Variants in ANTXR1 observed in about 807,000 individuals in gnomAD.
The protein encoded by ANTXR1 is anthrax toxin receptor 1.
ANTXR1 carries 19 observed loss-of-function variants against 78.1 expected under a neutral mutation model. The ratio of observed to expected loss-of-function variants is 0.24; its 90% CI spans 0.17 to 0.36. ANTXR1 has a LOEUF of 0.36. Among genes scored for constraint, ANTXR1 ranks in the 10% least tolerant of loss-of-function variants. ANTXR1 has a pLI of 1.00. For synonymous variants in ANTXR1, 273 were observed against 260.5 expected, an observed-to-expected ratio of 1.05 and a Z score of -0.46; for missense variants, 518 against 718.6, an observed-to-expected ratio of 0.72 and a Z score of 3.19.
intron 1 of ANTXR1, among the ~76,000 whole-genome samples, chr2:69,037,343 A>G (rs898235743): frequency 6.6e-6 from 1 of 152,196 alleles, no homozygotes; most frequent in Non-Finnish European, 1.5e-5. Flanking sequence ...GCCACCCAGT[A>G]TCAGGGGATG....
chr2:69,129,413 A>G (rs1481429555), intron 12 of ANTXR1, among the ~76,000 whole-genome samples: 2 of 152,168 alleles, frequency 1.3e-5, no homozygotes, highest in African/African-American at 4.8e-5. Flanking sequence ...ACTGTCCTTA[A>G]GGAGCCTAAA....
At chr2:69,151,181 A>ATTT (rs1673382576) in intron 12 of ANTXR1, among the ~76,000 whole-genome samples, 5 of 77,960 alleles carry the variant, frequency 6.4e-5, no homozygotes, top group East Asian at 4.5e-4. Context: ...ATATCTGATT[A>ATTT]TTTTCTTTTT....
intron 13 of ANTXR1, among the ~76,000 whole-genome samples, chr2:69,153,720 C>T (rs1410347457): frequency 2.6e-5 from 4 of 152,340 alleles, no homozygotes; most frequent in South Asian, 4.1e-4. Flanking sequence ...AAAAACCTTA[C>T]AGTGGGTTCT....
intron 14 of ANTXR1, among the ~76,000 whole-genome samples, chr2:69,173,755 A>G (rs770121847): frequency 1.2e-4 from 19 of 152,208 alleles, no homozygotes; most frequent in Non-Finnish European, 2.1e-4. Flanking sequence ...AGGAAGCCCC[A>G]TGACTGAATG....
chr2:69,151,099 G>T (rs1237131929), intron 12 of ANTXR1, among the ~76,000 whole-genome samples: 1 of 150,324 alleles, frequency 6.7e-6, no homozygotes, highest in African/African-American at 2.5e-5. Flanking sequence ...ATTCTGTAAT[G>T]CATTATTTAA....
intron 3 of ANTXR1, among the ~76,000 whole-genome samples, chr2:69,056,234 T>C (rs1402457332): frequency 6.6e-6 from 1 of 152,196 alleles, no homozygotes; most frequent in African/African-American, 2.4e-5. Context: ...TATTTTTTAT[T>C]GCCCAACAAA....
chr2:69,053,931 A>G (rs1390536726), intron 3 of ANTXR1, among the ~76,000 whole-genome samples: 1 of 152,174 alleles, frequency 6.6e-6, no homozygotes, highest in Non-Finnish European at 1.5e-5. Context: ...CTGCCTCTGC[A>G]TGTATTATTT....
chr2:69,210,959 ACC>A (rs1675027846), intron 17 of ANTXR1, among the ~76,000 whole-genome samples: 1 of 151,222 alleles, frequency 6.6e-6, no homozygotes, highest in Non-Finnish European at 1.5e-5. Context: ...AAAAAAAAGA[ACC>A]AGATGGTTGT....
chr2:69,075,164 T>C (rs1187119038), intron 6 of ANTXR1, among the ~76,000 whole-genome samples: 2 of 152,174 alleles, frequency 1.3e-5, no homozygotes, highest in African/African-American at 4.8e-5. Context: ...CAAAACACAA[T>C]ACAGAGTAAA....
In ANTXR1 at chr2:69,084,348, C is replaced by T. The variant is rs570701179; in HGVS notation, c.643-6511C>T. Among the ~76,000 whole-genome samples the T allele has an allele frequency of 6.6e-5, 10 of 152,308 alleles. No individual in the cohort carries two copies. The East Asian group carries it at 1.5e-3, about 24-fold the overall frequency. ...CCTACACTCCTTTGGATCGGATTCT[C>T]ATTGAGTGTGAAACTAACAGAGTAG... On this transcript the variant is annotated intron_variant, in intron 8 of 17. Transcript: ENST00000303714.
At chr2:69,184,482 G>C (rs1346976276) in intron 16 of ANTXR1, among the ~76,000 whole-genome samples, 1 of 152,232 alleles carries the variant, frequency 6.6e-6, no homozygotes, top group Non-Finnish European at 1.5e-5. Context: ...TCTCAGCCAT[G>C]AAGAAGAAAG....
At chr2:69,048,029 A>T (rs1346229692) in intron 3 of ANTXR1, among the ~76,000 whole-genome samples, 1 of 152,190 alleles carries the variant, frequency 6.6e-6, no homozygotes, top group Non-Finnish European at 1.5e-5. Flanking sequence ...TCACTTCCTT[A>T]GTATAATAGA....
At chr2:69,146,305 C>T (rs1056371557) in intron 12 of ANTXR1, 4 of 985,164 alleles carry the variant, frequency 4.1e-6, no homozygotes, top group Admixed American at 6.2e-5. Context: ...TCTGAGAACT[C>T]CCCCCACCAC....
chr2:69,071,822 T>C (rs1558515116), intron 5 of ANTXR1, 35 bp downstream of exon 5: 1 of 1,601,214 alleles, frequency 6.2e-7, no homozygotes, highest in Non-Finnish European at 8.6e-7. Flanking sequence ...TTATGAATTA[T>C]TTAACTTTTT....
At chr2:69,150,248 C>A (rs1673353388) in intron 12 of ANTXR1, among the ~76,000 whole-genome samples, 1 of 152,220 alleles carries the variant, frequency 6.6e-6, no homozygotes, top group East Asian at 1.9e-4. Context: ...GAACAGACCA[C>A]CCAGCCTCCC....
chr2:69,109,979 G>A (rs1671928561), intron 10 of ANTXR1, among the ~76,000 whole-genome samples: 1 of 152,124 alleles, frequency 6.6e-6, no homozygotes, highest in Admixed American at 6.5e-5. Flanking sequence ...TTAAAAAAAG[G>A]TGAATATATC....
intron 10 of ANTXR1, among the ~76,000 whole-genome samples, chr2:69,120,588 A>C (rs1426940088): frequency 6.6e-6 from 1 of 152,178 alleles, no homozygotes. Flanking sequence ...CAATCACTTG[A>C]ACCCGGGAGG....
chr2:69,187,555 A>G (rs1476920164), intron 16 of ANTXR1, among the ~76,000 whole-genome samples: 1 of 151,200 alleles, frequency 6.6e-6, no homozygotes, highest in African/African-American at 2.4e-5. Context: ...CTTTGGGGGA[A>G]AGCTGGGTCA....
At chr2:69,155,804 T>C (rs925923654) in intron 13 of ANTXR1, among the ~76,000 whole-genome samples, 6 of 152,152 alleles carry the variant, frequency 3.9e-5, no homozygotes, top group African/African-American at 1.4e-4. Flanking sequence ...GGTGGCTTTA[T>C]GTATACAGAG....
Sources: allele counts gnomAD v4.1 joint callset (sites outside exome capture counted in the v4.1 genomes callset), GRCh38; gene constraint gnomAD v4.1.1; transcripts MANE v1.5; gene names NCBI Gene and HGNC (gene_info 2026-07-23, HGNC 2026-07-21).